The following ABCC2 variants were observed in gnomAD, a reference collection of about 807,000 sequenced individuals.
The protein encoded by ABCC2 is ATP-binding cassette sub-family C member 2.
ABCC2 carries 157 observed loss-of-function variants against 173.4 expected under a neutral mutation model. That is an observed-to-expected ratio of 0.91 (90% CI 0.80 to 1.03). The LOEUF (loss-of-function observed/expected upper bound fraction) is 1.03. Among genes scored for constraint, ABCC2 ranks in the 50% least tolerant of loss-of-function variants. The pLI is 0.00. For synonymous variants in ABCC2, 657 were observed against 693.5 expected (o/e 0.95, Z 0.83); for missense variants, 1,822 against 1,852.3 (o/e 0.98, Z 0.30).
chr10:99,834,569 C>G, intron 24 of ABCC2, 34 bp downstream of exon 24: 2 of 1,605,944 alleles, frequency 1.2e-6, no homozygotes, highest in Non-Finnish European at 1.7e-6. Context: ...ATCCTTCCTT[C>G]CTCTCTATCT....
chr10:99,850,339 C>A (rs578217618), intron 30 of ABCC2, among the ~76,000 whole-genome samples: 2 of 152,200 alleles, frequency 1.3e-5, no homozygotes, highest in Non-Finnish European at 2.9e-5. Context: ...TTCCTAGGCT[C>A]CTGCCCGCTC....
At position 99,818,809 on chromosome 10, in the gene ABCC2, G is replaced by T; in HGVS notation, c.2291G>T (p.Gly764Val). The T allele has an allele frequency of 1.2e-6, 2 of 1,614,124 alleles. No individual in the cohort carries two copies. The highest frequency in any genetic ancestry group is 1.7e-6 in the Non-Finnish European group (2 of 1,180,016). Residue 764 changes from glycine (G) to valine (V), a missense_variant, in exon 18 of 32, where the codon GGT (glycine) becomes GTT (valine). Coordinates refer to ENST00000647814, the MANE Select transcript of ABCC2 (RefSeq NM_000392.5). ...IGEKGINLSGGQKQRISLARA... is the reference protein window; with the variant it reads ...IGEKGINLSGVQKQRISLARA... ...CTTCAGGGTATAAATCTTAGTGGGG[G>T]TCAGAAGCAGCGGATCAGCCTGGCC...
chr10:99,850,792 G>A lies in ABCC2; in HGVS notation c.4504G>A (p.Asp1502Asn), dbSNP rs761744789. 15 of 1,614,094 alleles carry A rather than the reference G, an allele frequency of 9.3e-6. No homozygotes were observed. Among genetic ancestry groups the A allele is most frequent in the Non-Finnish European group, 1.2e-5 (14 of 1,180,058 alleles). The change falls in exon 31 of 32, where the codon GAC (aspartate) becomes AAC (asparagine). Residue 1502 changes from aspartate (D) to asparagine (N), a missense_variant. Coordinates refer to ENST00000647814, the MANE Select transcript of ABCC2 (RefSeq NM_000392.5). ...CAGGCTGCACACCATCATGGACAGT[G>A]ACAAGTGAGTGTAGGGGGACAGGGC... Reference protein sequence around the residue: ...AHRLHTIMDSDKVMVLDNGKI... With the variant: ...AHRLHTIMDSNKVMVLDNGKI...
At chr10:99,833,445 C>T (rs962700223) in intron 23 of ABCC2, among the ~76,000 whole-genome samples, 3 of 152,058 alleles carry the variant, frequency 2.0e-5, no homozygotes, top group East Asian at 3.9e-4. Flanking sequence ...TAGTATGTTT[C>T]GTTGGGGAGG....
chr10:99,817,406 G>T lies in ABCC2; in HGVS notation c.2193G>T (p.Gln731His), dbSNP rs757329469. ...FGTEFNEKRYQQVLEACALLP... is the reference protein window; with the variant it reads ...FGTEFNEKRYHQVLEACALLP... ...CAGAGTTTAATGAAAAGAGGTACCA[G>T]CAAGTACTGGAGGCCTGTGCTCTCC... is the stretch of plus-strand genomic sequence containing the variant. Residue 731 changes from glutamine (Q) to histidine (H), a missense_variant, in exon 17 of 32, where the codon CAG (glutamine) becomes CAT (histidine). Transcript: ENST00000647814. 7 of 1,614,180 alleles carry T rather than the reference G, an allele frequency of 4.3e-6. No individual in the cohort carries two copies. In the South Asian group the frequency reaches 7.7e-5, roughly 18 times the overall value.
At chr10:99,810,822 C>T (rs1417357156) in intron 14 of ABCC2, among the ~76,000 whole-genome samples, 5 of 152,030 alleles carry the variant, frequency 3.3e-5, no homozygotes, top group Admixed American at 3.3e-4. Context: ...GTCAGGAGTT[C>T]GAGACAAGCC....
chr10:99,788,132 T>C (rs752050619), intron 2 of ABCC2, among the ~76,000 whole-genome samples: 2 of 152,182 alleles, frequency 1.3e-5, no homozygotes, highest in African/African-American at 2.4e-5. Context: ...CATGTCTTAG[T>C]TGGCAACCAT....
In ABCC2 at chr10:99,846,832, C is replaced by A. The variant is rs982269076; in HGVS notation, c.4147-129C>A. 1.1e-5 allele frequency: 14 copies of A among 1,326,708 alleles called. No individual in the cohort carries two copies. The African/African-American group carries it at 1.9e-4, about 18-fold the overall frequency. The allele number at this position is 1,326,708 out of a possible 1,614,324, so 82.2% of individuals were successfully genotyped here. ...GAGGGAAAACCTTGCGGAAGCTCAA[C>A]CACAAACCAGCTTCCTGCCTCAGGA... On this transcript the variant is annotated intron_variant, in intron 29 of 31. Transcript: ENST00000647814.
chr10:99,783,927 A>C (rs1309444413), intron 1 of ABCC2, among the ~76,000 whole-genome samples: 4 of 152,124 alleles, frequency 2.6e-5, no homozygotes, highest in Non-Finnish European at 4.4e-5. Flanking sequence ...AACAATTTTT[A>C]ACTATTTATA....
intron 30 of ABCC2, among the ~76,000 whole-genome samples, chr10:99,849,932 CT>C (rs1590195411): frequency 1.3e-5 from 2 of 152,166 alleles, no homozygotes; most frequent in East Asian, 3.8e-4. Context: ...TCATTACAGG[CT>C]TTTAGCAAAT....
At chr10:99,784,578 A>G (rs1276217878) in intron 1 of ABCC2, 30 bp from the exon 2 acceptor site, 2 of 1,612,678 alleles carry the variant, frequency 1.2e-6, no homozygotes, top group South Asian at 1.1e-5. Flanking sequence ...CAATGCATGT[A>G]TGCAACAATC....
chr10:99,843,941 A>C (rs747442300), intron 27 of ABCC2, 41 bp downstream of exon 27: 1 of 1,454,810 alleles, frequency 6.9e-7, no homozygotes, highest in South Asian at 1.1e-5. Context: ...AGGCAAAAAC[A>C]ACATGCAACT....
chr10:99,814,222 T>TAC (rs1223239194), intron 16 of ABCC2, among the ~76,000 whole-genome samples: 1 of 53,946 alleles, frequency 1.9e-5, no homozygotes, highest in South Asian at 6.2e-4. Context: ...TGTGTATATA[T>TAC]ACACACATGT....
intron 19 of ABCC2, among the ~76,000 whole-genome samples, chr10:99,825,787 C>T (rs990352546): frequency 1.3e-5 from 2 of 152,202 alleles, no homozygotes; most frequent in African/African-American, 4.8e-5. Context: ...CCCCTGGAAG[C>T]AGAGAGACTG....
In ABCC2 at chr10:99,800,372, C is replaced by G; in HGVS notation, c.1032-14C>G. On this transcript the variant is annotated splice_polypyrimidine_tract_variant and intron_variant, in intron 8 of 31. Transcript: ENST00000647814. ...GGCCTTATGGGTATAACTAACTTGG[C>G]TTTTCTCTGGCAGATTGCTGATCTC... 1 of 1,614,038 alleles carries G rather than the reference C, an allele frequency of 6.2e-7. No homozygotes were observed.
intron 17 of ABCC2, among the ~76,000 whole-genome samples, chr10:99,818,541 A>G (rs528935731): frequency 6.6e-6 from 1 of 152,362 alleles, no homozygotes; most frequent in Non-Finnish European, 1.5e-5. Flanking sequence ...ACATTGTCAC[A>G]GGGTGACAAG....
chr10:99,847,774 C>T (rs1044011008), intron 30 of ABCC2, among the ~76,000 whole-genome samples: 16 of 152,014 alleles, frequency 1.1e-4, no homozygotes, highest in African/African-American at 3.9e-4. Context: ...AAAAAATTAA[C>T]TGGGTGTGGT....
chr10:99,849,545 C>G (rs1463020087), intron 30 of ABCC2, among the ~76,000 whole-genome samples: 1 of 152,202 alleles, frequency 6.6e-6, no homozygotes, highest in South Asian at 2.1e-4. Context: ...CTAAAACTTA[C>G]ATTTCTCTGT....
intron 8 of ABCC2, among the ~76,000 whole-genome samples, 154 bp downstream of exon 8, chr10:99,799,524 G>T (rs1233510824): frequency 1.3e-5 from 2 of 152,136 alleles, no homozygotes; most frequent in Non-Finnish European, 2.9e-5. Flanking sequence ...TTGTGTTCAT[G>T]AAGACCGCAG....
Sources: gnomAD v4.1 joint callset for allele counts (sites outside exome capture counted in the v4.1 genomes callset) on GRCh38, gnomAD v4.1.1 for gene constraint, MANE v1.5 for transcripts, NCBI Gene and HGNC (gene_info 2026-07-23, HGNC 2026-07-21) for gene names.